CSMD3: variants seen among roughly 807,000 people sequenced by gnomAD.
CSMD3 encodes CUB and sushi domain-containing protein 3.
Under a neutral mutation model 435.2 loss-of-function variants are expected in CSMD3, and 177 were observed. That is an observed-to-expected ratio of 0.41 (90% confidence interval 0.36 to 0.46). CSMD3 has a LOEUF of 0.46. Ranked by LOEUF, CSMD3 falls within the 20% of genes least tolerant of loss-of-function variation. The probability of loss-of-function intolerance (pLI) is 0.34; values close to 1 mark genes in which losing one functional copy is unlikely to be tolerated. For synonymous variants in CSMD3, 1,656 were observed against 1,520.5 expected (o/e 1.09, Z -2.07); for missense variants, 4,265 against 4,504.6 (o/e 0.95, Z 1.52).
chr8:113,421,002 G>T (rs976686698), intron 1 of CSMD3, among the ~76,000 whole-genome samples: 1 of 150,204 alleles, frequency 6.7e-6, no homozygotes, highest in Non-Finnish European at 1.5e-5. Context: ...ATCATTCAAA[G>T]AAATACTACT....
intron 13 of CSMD3, among the ~76,000 whole-genome samples, chr8:112,697,587 G>T (rs1465550448): frequency 6.6e-6 from 1 of 151,514 alleles, no homozygotes; most frequent in Non-Finnish European, 1.5e-5. Flanking sequence ...GGGGCCTGTT[G>T]TGGGGTGGGG....
intron 27 of CSMD3, among the ~76,000 whole-genome samples, chr8:112,537,361 C>A (rs528468131): frequency 9.3e-5 from 14 of 150,862 alleles, no homozygotes; most frequent in African/African-American, 3.4e-4. Context: ...AATCAAACCC[C>A]AAATTAGTAG....
chr8:112,278,389 T>C (rs758797590), intron 59 of CSMD3, among the ~76,000 whole-genome samples: 4 of 152,192 alleles, frequency 2.6e-5, no homozygotes, highest in African/African-American at 9.7e-5. Context: ...GTATTGAAAA[T>C]TGACATTCAG....
In CSMD3 at chr8:113,059,554, G is replaced by A. The variant is rs73702281; in HGVS notation, c.917+39202C>T. On this transcript the variant is annotated intron_variant, in intron 5 of 70. Transcript: ENST00000297405. ...TTCACAAACTACTTATTAACTAAAA[G>A]GAAACTACTATTTAAAACATATTTA... 7.8e-3 allele frequency among the ~76,000 whole-genome samples: 1,182 copies of A among 152,086 alleles called. 18 individuals are homozygous for A. The highest frequency in any genetic ancestry group is 0.027 in the African/African-American group (1,132 of 41,504).
At position 112,629,595 on chromosome 8, in the gene CSMD3, G is replaced by A. The variant is rs1795477321; in HGVS notation, c.3715+7222C>T. On this transcript the variant is annotated intron_variant, in intron 22 of 70. Transcript: ENST00000297405. Reference sequence around the variant, plus strand: ...GTAACATCTTGTGGCTATATTCCAGGATGCATATAGCCATGTAAAGAAATG... The same window carrying A: ...GTAACATCTTGTGGCTATATTCCAGAATGCATATAGCCATGTAAAGAAATG... Among the ~76,000 whole-genome samples the A allele has an allele frequency of 2.6e-5, 4 of 152,200 alleles. No individual in the cohort carries two copies. The South Asian group carries it at 8.3e-4, about 32-fold the overall frequency.
chr8:112,325,277 C>T (rs1823389806), intron 45 of CSMD3, among the ~76,000 whole-genome samples: 1 of 152,058 alleles, frequency 6.6e-6, no homozygotes, highest in Admixed American at 6.6e-5. Context: ...GATAACATAG[C>T]TAAAATTTTA....
At chr8:112,580,766 G>A (rs144861565) in intron 23 of CSMD3, among the ~76,000 whole-genome samples, 77 of 152,172 alleles carry the variant, frequency 5.1e-4, no homozygotes, top group Non-Finnish European at 5.6e-4. Flanking sequence ...AGACCAAGTA[G>A]CAAATGAGAG....
chr8:113,155,049 C>A (rs2091904790), intron 4 of CSMD3, among the ~76,000 whole-genome samples: 1 of 151,948 alleles, frequency 6.6e-6, no homozygotes, highest in South Asian at 2.1e-4. Context: ...ATATAATAAA[C>A]TATCTTCCAA....
intron 16 of CSMD3, among the ~76,000 whole-genome samples, chr8:112,668,383 A>G (rs2075576244): frequency 6.6e-6 from 1 of 152,188 alleles, no homozygotes; most frequent in Non-Finnish European, 1.5e-5. Flanking sequence ...TCAGCAACTC[A>G]TATTGTTCCA....
At chr8:113,255,602 C>T (rs1770473400) in intron 3 of CSMD3, among the ~76,000 whole-genome samples, 1 of 151,924 alleles carries the variant, frequency 6.6e-6, no homozygotes, top group Non-Finnish European at 1.5e-5. Flanking sequence ...GTGTATTAGC[C>T]TTGAATTGTT....
In CSMD3 at chr8:112,506,679, A is replaced by G. The variant is rs755054087; in HGVS notation, c.4895+12T>C. ...ATTTTTTTAACGTGGAAATAAATATATAAGAACTCACCTGATGAACGCCAA... is the reference window on the plus strand; with the variant it reads ...ATTTTTTTAACGTGGAAATAAATATGTAAGAACTCACCTGATGAACGCCAA... On this transcript the variant is annotated intron_variant, in intron 29 of 70. Coordinates refer to ENST00000297405, the MANE Select transcript of CSMD3 (RefSeq NM_198123.2). The G allele has an allele frequency of 2.5e-6, 4 of 1,612,958 alleles. No homozygotes were observed. The highest frequency in any genetic ancestry group is 1.3e-5 in the African/African-American group (1 of 75,032).
chr8:112,263,881 T>A (rs2130388714), intron 60 of CSMD3, 69 bp from the exon 61 acceptor site: 1 of 1,367,260 alleles, frequency 7.3e-7, no homozygotes, highest in Non-Finnish European at 1.0e-6. Context: ...TATAAATAAA[T>A]ATCATTAGAA....
intron 36 of CSMD3, among the ~76,000 whole-genome samples, chr8:112,387,879 A>G (rs1334199615): frequency 3.3e-5 from 5 of 152,156 alleles, no homozygotes; most frequent in Admixed American, 3.3e-4. Context: ...TTCTAAAAAT[A>G]TTTACTGAGA....
At chr8:112,432,510 A>G (rs1292060568) in intron 32 of CSMD3, among the ~76,000 whole-genome samples, 1 of 151,890 alleles carries the variant, frequency 6.6e-6, no homozygotes, top group Admixed American at 6.6e-5. Context: ...ATAGAGTCTC[A>G]CTATGTTACT....
At chr8:113,192,195 G>A (rs1045388228) in intron 3 of CSMD3, among the ~76,000 whole-genome samples, 3 of 151,600 alleles carry the variant, frequency 2.0e-5, no homozygotes, top group South Asian at 4.1e-4. Context: ...GGAAGGCAAG[G>A]CCCTGTGCTA....
At chr8:112,821,827 T>C (rs920567115) in intron 12 of CSMD3, among the ~76,000 whole-genome samples, 31 of 152,176 alleles carry the variant, frequency 2.0e-4, no homozygotes, top group African/African-American at 6.8e-4. Context: ...AATTTTTGTA[T>C]AGGGAGTAAG....
chr8:113,156,964 C>T (rs1406921591), intron 4 of CSMD3, among the ~76,000 whole-genome samples: 1 of 149,676 alleles, frequency 6.7e-6, no homozygotes, highest in African/African-American at 2.5e-5. Context: ...GAGACAGAGA[C>T]AGAGAGAGAG....
At chr8:112,865,399 C>G (rs1240265094) in intron 10 of CSMD3, among the ~76,000 whole-genome samples, 1 of 152,010 alleles carries the variant, frequency 6.6e-6, no homozygotes, top group Admixed American at 6.6e-5. Flanking sequence ...TTCACTCTCT[C>G]CTGGAATTTT....
At chr8:113,061,030 A>T (rs543235970) in intron 5 of CSMD3, among the ~76,000 whole-genome samples, 3 of 152,246 alleles carry the variant, frequency 2.0e-5, no homozygotes, top group African/African-American at 7.2e-5. Flanking sequence ...GATAAGTCAG[A>T]TTACTAATCT....
Sources: allele counts gnomAD v4.1 joint callset (sites outside exome capture counted in the v4.1 genomes callset), GRCh38; gene constraint gnomAD v4.1.1; transcripts MANE v1.5; gene names NCBI Gene and HGNC (gene_info 2026-07-23, HGNC 2026-07-21).